The following FMN1 variants were observed in gnomAD, a reference collection of about 807,000 sequenced individuals.
FMN1 encodes formin 1.
In FMN1, 110 loss-of-function variants were observed where a neutral mutation model predicts 132.4. The observed-to-expected ratio is 0.83, with a 90% CI of 0.71 to 0.97. FMN1 has a LOEUF of 0.97. Among genes scored for constraint, FMN1 ranks in the 50% least tolerant of loss-of-function variants. The pLI is 0.00. For synonymous variants in FMN1, 722 were observed against 651.7 expected, an observed-to-expected ratio of 1.11 and a Z score of -1.64; for missense variants, 1,792 against 1,705.3, an observed-to-expected ratio of 1.05 and a Z score of -0.90.
At chr15:32,957,170 C>G (rs891314456) in intron 9 of FMN1, among the ~76,000 whole-genome samples, 26 of 151,936 alleles carry the variant, frequency 1.7e-4, no homozygotes. Context: ...AGGAAACAAA[C>G]AGAGATGATT....
At position 33,006,345 on chromosome 15, in the gene FMN1, T is replaced by A. The variant is rs186482785; in HGVS notation, c.2223+1669A>T. ...TGCAAACTAAAACCACGATGAGATA[T>A]CACTTCACAACTGTTAGAATCGCTA... On this transcript the variant is annotated intron_variant, in intron 7 of 20. Transcript: ENST00000616417. Among the ~76,000 whole-genome samples, 36 of 152,196 alleles carry A rather than the reference T, an allele frequency of 2.4e-4. No individual in the cohort carries two copies. In the East Asian group the frequency reaches 6.2e-3, roughly 26 times the overall value.
intron 4 of FMN1, among the ~76,000 whole-genome samples, chr15:33,134,576 C>T (rs1193200852): frequency 2.6e-5 from 4 of 152,180 alleles, no homozygotes; most frequent in Non-Finnish European, 4.4e-5. Context: ...GGGGTAGCCT[C>T]ACAACCAACG....
At chr15:33,077,484 A>G (rs1220723701) in intron 5 of FMN1, among the ~76,000 whole-genome samples, 1 of 151,448 alleles carries the variant, frequency 6.6e-6, no homozygotes, top group African/African-American at 2.4e-5. Context: ...CATTTACCTT[A>G]GGTATATCTC....
At chr15:32,821,872 A>G (rs1477275467) in intron 17 of FMN1, among the ~76,000 whole-genome samples, 2 of 152,148 alleles carry the variant, frequency 1.3e-5, no homozygotes, top group African/African-American at 4.8e-5. Flanking sequence ...TTCTCCTCCT[A>G]AATTCTACGG....
intron 5 of FMN1, among the ~76,000 whole-genome samples, chr15:33,082,545 G>A (rs1206074023): frequency 1.3e-5 from 2 of 152,044 alleles, no homozygotes; most frequent in African/African-American, 4.8e-5. Context: ...CCTCTCCAAT[G>A]GTATCTTCAG....
intron 17 of FMN1, among the ~76,000 whole-genome samples, chr15:32,839,937 A>G (rs562217078): frequency 6.6e-6 from 1 of 152,326 alleles, no homozygotes; most frequent in African/African-American, 2.4e-5. Context: ...AGGGAGATCT[A>G]CACCGCTAAG....
chr15:32,820,195 G>A (rs950639981), intron 17 of FMN1, among the ~76,000 whole-genome samples: 5 of 152,004 alleles, frequency 3.3e-5, no homozygotes, highest in African/African-American at 7.3e-5. Flanking sequence ...TGATTACAAC[G>A]TGAAGGGTGT....
In FMN1 at chr15:32,861,267, A is replaced by G. The variant is rs550164654; in HGVS notation, c.3836-4160T>C. ...TTCTCCCTGGTGAAAGCAAAGCTGAAGGCAGAGCTTGTTTCCCCAATTACA... is the reference window on the plus strand; with the variant it reads ...TTCTCCCTGGTGAAAGCAAAGCTGAGGGCAGAGCTTGTTTCCCCAATTACA... On this transcript the variant is annotated intron_variant, in intron 16 of 20. Transcript: ENST00000616417. 2.0e-5 allele frequency among the ~76,000 whole-genome samples: 3 copies of G among 152,366 alleles called. No homozygotes were observed. In the South Asian group the frequency reaches 6.2e-4, roughly 32 times the overall value.
chr15:32,975,629 C>A (rs1371026280), intron 7 of FMN1, among the ~76,000 whole-genome samples: 1 of 151,940 alleles, frequency 6.6e-6, no homozygotes. Flanking sequence ...CATAAAACAT[C>A]CAAATTTTTT....
intron 4 of FMN1, among the ~76,000 whole-genome samples, chr15:33,133,903 T>A (rs1207638526): frequency 6.6e-6 from 1 of 152,204 alleles, no homozygotes; most frequent in Admixed American, 6.5e-5. Context: ...TATAAAATGA[T>A]AAGTAGACCT....
At chr15:33,088,373 AG>A (rs2038781515) in intron 5 of FMN1, among the ~76,000 whole-genome samples, 1 of 152,216 alleles carries the variant, frequency 6.6e-6, no homozygotes, top group Non-Finnish European at 1.5e-5. Context: ...CTGGAGAGAA[AG>A]GTTCATGAAT....
intron 4 of FMN1, among the ~76,000 whole-genome samples, chr15:33,121,406 C>G (rs1962540186): frequency 2.0e-5 from 3 of 152,146 alleles, no homozygotes; most frequent in Admixed American, 2.0e-4. Context: ...AAATTGAGAG[C>G]ACAAAGGGAG....
At chr15:33,089,816 T>C (rs1321012918) in intron 4 of FMN1, among the ~76,000 whole-genome samples, 1 of 152,168 alleles carries the variant, frequency 6.6e-6, no homozygotes, top group Non-Finnish European at 1.5e-5. Context: ...GACATTCTAT[T>C]CTTAAGATGG....
chr15:32,934,408 G>A (rs1172865971), intron 9 of FMN1, among the ~76,000 whole-genome samples: 9 of 151,988 alleles, frequency 5.9e-5, no homozygotes, highest in Non-Finnish European at 1.0e-4. Flanking sequence ...GTATTTATCT[G>A]TATATATACC....
At chr15:33,135,007 T>A (rs1401605822) in intron 4 of FMN1, among the ~76,000 whole-genome samples, 2 of 152,112 alleles carry the variant, frequency 1.3e-5, no homozygotes, top group Non-Finnish European at 1.5e-5. Flanking sequence ...GTCTCAAAAA[T>A]AAATAAATAA....
Position 32,990,849 on chromosome 15 carries a change from C to T in FMN1, c.2223+17165G>A, listed in dbSNP as rs545915681. ...TGAGAGTCAAGCAAAGGGAGAAGCC[C>T]CTTACAAAACCATCAGATCTTGTGA... is the stretch of plus-strand genomic sequence containing the variant. On this transcript the variant is annotated intron_variant, in intron 7 of 20. Transcript: ENST00000616417. Among the ~76,000 whole-genome samples the T allele has an allele frequency of 3.3e-5, 5 of 152,180 alleles. No homozygotes were observed. In the East Asian group the frequency reaches 9.7e-4, roughly 29 times the overall value.
chr15:32,785,218 A>ATATATATATATTTTTTTTTT (rs1444523400), intron 19 of FMN1, among the ~76,000 whole-genome samples: 13 of 39,204 alleles, frequency 3.3e-4, no homozygotes, highest in Non-Finnish European at 4.5e-4. Flanking sequence ...ATATATATAT[A>ATATATATATATTTTTTTTTT]TTTTTTTTTT....
intron 19 of FMN1, among the ~76,000 whole-genome samples, chr15:32,790,640 G>A (rs993773331): frequency 2.0e-5 from 3 of 152,160 alleles, no homozygotes; most frequent in African/African-American, 7.2e-5. Flanking sequence ...ACTGGCTTCT[G>A]AATCTCCTCT....
chr15:33,175,324 C>T (rs1166799018), intron 3 of FMN1, among the ~76,000 whole-genome samples: 2 of 152,136 alleles, frequency 1.3e-5, no homozygotes, highest in African/African-American at 2.4e-5. Context: ...CTGCCTTGGC[C>T]TCCCAAAGTG....
Sources: allele counts gnomAD v4.1 joint callset (sites outside exome capture counted in the v4.1 genomes callset), GRCh38; gene constraint gnomAD v4.1.1; transcripts MANE v1.5; gene names NCBI Gene and HGNC (gene_info 2026-07-23, HGNC 2026-07-21).